Variants in SLC27A4 observed in about 807,000 individuals in gnomAD.
The protein encoded by SLC27A4 is solute carrier family 27 member 4.
In SLC27A4, 33 loss-of-function variants were observed where a neutral mutation model predicts 64.4. The observed-to-expected ratio is 0.51, with a 90% CI of 0.39 to 0.68. The LOEUF (loss-of-function observed/expected upper bound fraction) is 0.68, where lower values mean the gene tolerates loss of function less well. Among genes scored for constraint, SLC27A4 ranks in the 30% least tolerant of loss-of-function variants. The pLI is 0.00. For missense variants in SLC27A4, 824 were observed against 883.5 expected, an observed-to-expected ratio of 0.93 and a Z score of 0.85; for synonymous variants, 377 against 370.0, an observed-to-expected ratio of 1.02 and a Z score of -0.22.
chr9:128,355,805 C>T lies in SLC27A4; in HGVS notation c.1774+9C>T, dbSNP rs561056888. The T allele has an allele frequency of 6.2e-6, 10 of 1,612,734 alleles. No homozygotes were observed. The South Asian group carries it at 7.7e-5, about 12-fold the overall frequency. ...TGAGCTGCACAAAACAGGTGTGTCC[C>T]TCCCCTGCTCCAGCTCTCGGATCCC... On this transcript the variant is annotated intron_variant, in intron 12 of 12. Coordinates refer to ENST00000300456, the MANE Select transcript of SLC27A4 (RefSeq NM_005094.4).
At position 128,355,699 on chromosome 9, in the gene SLC27A4, C is replaced by T; in HGVS notation, c.1677C>T (p.Asn559=). Residue 559 remains asparagine (N), a synonymous_variant, in exon 12 of 13, where the codon AAC becomes AAT. Coordinates refer to ENST00000300456, the MANE Select transcript of SLC27A4 (RefSeq NM_005094.4). ...GMAAVASPTG[N]CDLERFAQVL... ...CTGCTGTGGCCAGCCCCACTGGCAA[C>T]TGTGACCTGGAGCGCTTTGCTCAGG... The T allele has an allele frequency of 1.9e-6, 3 of 1,613,154 alleles. No individual in the cohort carries two copies. The highest frequency in any genetic ancestry group is 1.7e-6 in the Non-Finnish European group (2 of 1,180,030).
chr9:128,354,792 A>C, intron 9 of SLC27A4, among the ~76,000 whole-genome samples: 1 of 69,660 alleles, frequency 1.4e-5, no homozygotes, highest in East Asian at 2.8e-4. Flanking sequence ...ACTAAAAAAT[A>C]AAAAAAAAAA....
intron 9 of SLC27A4, among the ~76,000 whole-genome samples, chr9:128,354,104 C>A (rs981042159): frequency 6.6e-6 from 1 of 151,912 alleles, no homozygotes; most frequent in African/African-American, 2.4e-5. Context: ...CCACCATGCC[C>A]GGCTAGTTTT....
intron 9 of SLC27A4, among the ~76,000 whole-genome samples, chr9:128,354,279 C>T (rs1369422202): frequency 2.6e-5 from 4 of 152,094 alleles, no homozygotes; most frequent in East Asian, 1.9e-4. Context: ...TCCAAATGAC[C>T]CTGAGTCCAG....
rs745905373 is a variant in SLC27A4, at chr9:128,345,508, C to T, written c.515C>T (p.Ser172Leu). The change falls in exon 3 of 13, where the codon TCG becomes TTG. Residue 172 changes from serine (S) to leucine (L), a missense_variant. Coordinates refer to ENST00000300456, the MANE Select transcript of SLC27A4 (RefSeq NM_005094.4). The surrounding 1 kb of genome is among the most constrained non-coding windows in gnomAD (Gnocchi z 4.1). ...RDALLHCLTT[S>L]RARALVFGSE... ...GCTCTGCTCCACTGCCTCACCACCT[C>T]GCGCGCACGGGCCCTTGTCTTTGGC... The T allele has an allele frequency of 1.7e-5, 28 of 1,610,334 alleles. No individual in the cohort carries two copies. The highest frequency in any genetic ancestry group is 1.7e-5 in the Non-Finnish European group (20 of 1,178,752).
In SLC27A4 at chr9:128,355,168, G is replaced by A. The variant is rs587776382; in HGVS notation, c.1440G>A (p.Lys480=). Residue 480 remains lysine, a synonymous_variant, in exon 10 of 13, where the codon AAG becomes AAA. Transcript: ENST00000300456. ...AGATTGCCAAGGATGTCTTCAAGAA[G>A]GGGGACCAGGCCTACCTTACTGGTG... ...NKKIAKDVFK[K]GDQAYLTGDV... 1.2e-5 allele frequency: 19 copies of A among 1,613,664 alleles called. No individual in the cohort carries two copies. The highest frequency in any genetic ancestry group is 1.4e-5 in the Non-Finnish European group (17 of 1,179,836).
chr9:128,361,126 T>C lies in SLC27A4; in HGVS notation c.*635T>C. 1 of 159,270 alleles carries C rather than the reference T, an allele frequency of 6.3e-6. No homozygotes were observed. Among genetic ancestry groups the C allele is most frequent in the Non-Finnish European group, 1.4e-5 (1 of 71,706 alleles). 9.9% of individuals were successfully genotyped at this position (159,270 alleles called of 1,614,324 possible). On this transcript the variant is annotated 3_prime_UTR_variant, in exon 13 of 13. Coordinates refer to ENST00000300456, the MANE Select transcript of SLC27A4 (RefSeq NM_005094.4). ...GGCAGGGCCTCTCAGTCCTTGTGGG[T>C]CTGTGTCACCTCCATCTCAGTCTTG... is the stretch of plus-strand genomic sequence containing the variant.
intron 3 of SLC27A4, among the ~76,000 whole-genome samples, chr9:128,347,272 T>C (rs1420835167): frequency 6.6e-6 from 1 of 152,158 alleles, no homozygotes; most frequent in Non-Finnish European, 1.5e-5. Flanking sequence ...GTTTTATGGA[T>C]GATGAGCCTG....
At chr9:128,342,212 T>C (rs753121796) in intron 1 of SLC27A4, 3 of 1,598,208 alleles carry the variant, frequency 1.9e-6, no homozygotes, top group African/African-American at 1.3e-5. Flanking sequence ...CATGCCTCGC[T>C]CCGCTTTTCC....
chr9:128,350,600 CT>C, intron 6 of SLC27A4, 25 bp downstream of exon 6: 2 of 1,560,856 alleles, frequency 1.3e-6, no homozygotes, highest in Non-Finnish European at 1.8e-6. Context: ...GTCACACAGC[CT>C]CCAGCACCTG....
At chr9:128,355,624 C>T (rs1207163902) in intron 11 of SLC27A4, 26 bp from the exon 12 acceptor site, 1 of 1,608,250 alleles carries the variant, frequency 6.2e-7, no homozygotes, top group Non-Finnish European at 8.5e-7. Flanking sequence ...CCACCAGCTA[C>T]TCAGTGTCTA....
chr9:128,342,373 G>A (rs145775973), intron 1 of SLC27A4: 117 of 1,610,456 alleles, frequency 7.3e-5, no homozygotes, highest in Admixed American at 3.0e-4. Context: ...GTAATGAGGC[G>A]TGCACCGCCA....
intron 1 of SLC27A4, 148 bp from the exon 2 acceptor site, chr9:128,342,979 A>G: frequency 1.0e-6 from 1 of 988,218 alleles, no homozygotes; most frequent in Non-Finnish European, 1.5e-6. Context: ...CTGGAAAGGG[A>G]CCCCTGTGGT....
In SLC27A4 at chr9:128,343,324, C is replaced by T; in HGVS notation, c.161+31C>T. Reference sequence around the variant, plus strand: ...TACCTGGCCCAGCCTTTCCTGGGGTCTGCCACACTACAGTGAGCTTCTGGT... The same window carrying T: ...TACCTGGCCCAGCCTTTCCTGGGGTTTGCCACACTACAGTGAGCTTCTGGT... On this transcript the variant is annotated intron_variant, in intron 2 of 12. Coordinates refer to ENST00000300456, the MANE Select transcript of SLC27A4 (RefSeq NM_005094.4). The T allele has an allele frequency of 3.7e-6, 6 of 1,613,396 alleles. No individual in the cohort carries two copies. The Middle Eastern group carries it at 9.9e-4, about 266-fold the overall frequency.
intron 6 of SLC27A4, among the ~76,000 whole-genome samples, chr9:128,350,937 C>CA (rs1832726338): frequency 6.6e-6 from 1 of 152,122 alleles, no homozygotes; most frequent in Admixed American, 6.5e-5. Flanking sequence ...ACTAAAAGTA[C>CA]AAAAAATTAG....
At chr9:128,347,591 G>T (rs1173880397) in intron 3 of SLC27A4, among the ~76,000 whole-genome samples, 3 of 151,812 alleles carry the variant, frequency 2.0e-5, no homozygotes, top group African/African-American at 7.3e-5. Flanking sequence ...GCCAGGTGTG[G>T]TGGCACACGC....
Position 128,355,032 on chromosome 9 carries a change from ACCCTGCCTTCC to A in SLC27A4, c.1325-18_1325-8del. ...GGAGAGGCTGCCTAGGGCAGATCTG[ACCCTGCCTTCC>A]CCACCCCAGGTGAGCCGGGCCAGCT... On this transcript the variant is annotated splice_polypyrimidine_tract_variant and intron_variant, in intron 9 of 12. Coordinates refer to ENST00000300456, the MANE Select transcript of SLC27A4 (RefSeq NM_005094.4). 6.2e-7 allele frequency: 1 copy of A among 1,606,018 alleles called. No homozygotes were observed.
At chr9:128,347,830 CT>C (rs1832678729) in intron 3 of SLC27A4, among the ~76,000 whole-genome samples, 2 of 148,542 alleles carry the variant, frequency 1.3e-5, no homozygotes, top group African/African-American at 5.0e-5. Flanking sequence ...CAAGACCTGC[CT>C]GGACAATATA....
chr9:128,348,060 G>C (rs535888812), intron 3 of SLC27A4, among the ~76,000 whole-genome samples: 8 of 152,188 alleles, frequency 5.3e-5, no homozygotes, highest in African/African-American at 1.9e-4. Flanking sequence ...CAGTGCGCAG[G>C]GGAGCCTGAA....
Sources: gnomAD v4.1 joint callset for allele counts (sites outside exome capture counted in the v4.1 genomes callset) on GRCh38, gnomAD v4.1.1 for gene constraint, Gnocchi (gnomAD v3.1) non-coding constraint, MANE v1.5 for transcripts, NCBI Gene and HGNC (gene_info 2026-07-23, HGNC 2026-07-21) for gene names.